The following FAM9A variants were observed in gnomAD, a reference collection of about 807,000 sequenced individuals.
FAM9A encodes family with sequence similarity 9 member A, also known as protein FAM9A.
FAM9A carries 49 observed loss-of-function variants against 25.0 expected under a neutral mutation model. That is an observed-to-expected ratio of 1.96 (90% CI 1.56 to 2.48). FAM9A has a LOEUF of 2.48. Among genes scored for constraint, FAM9A ranks in the 30% most tolerant of loss-of-function variants. The pLI, the probability that FAM9A is intolerant of heterozygous loss-of-function variation, is 0.00. For missense variants in FAM9A, 266 were observed against 249.3 expected, an observed-to-expected ratio of 1.07 and a Z score of -0.45; for synonymous variants, 80 against 85.1, an observed-to-expected ratio of 0.94 and a Z score of 0.33.
chrX:8,798,582 C>A, intron 3 of FAM9A, 103 bp from the exon 4 acceptor site: 2 of 1,132,975 alleles, frequency 1.8e-6, no homozygotes, highest in Admixed American at 5.5e-5. Context: ...GGCTCTCTAC[C>A]AATTAAAGCT....
At chrX:8,794,924 G>A (rs759093817) in intron 7 of FAM9A, among the ~76,000 whole-genome samples, 154 bp downstream of exon 7, 6 of 111,681 alleles carry the variant, frequency 5.4e-5, no homozygotes, top group Non-Finnish European at 7.5e-5. Context: ...CTAATGCTGC[G>A]TGGCAATTAT....
At chrX:8,796,214 C>T (rs1449143230) in intron 6 of FAM9A, 54 bp downstream of exon 6, 37 of 968,010 alleles carry the variant, frequency 3.8e-5, no homozygotes, top group Non-Finnish European at 5.1e-5. Flanking sequence ...TTTGCACCAA[C>T]AAATACAAAG....
chrX:8,800,356 G>A (rs1319232741), intron 1 of FAM9A, 147 bp from the exon 2 acceptor site: 4 of 771,028 alleles, frequency 5.2e-6, no homozygotes, highest in Middle Eastern at 4.6e-4. Flanking sequence ...AGATGCCAGT[G>A]TCCCCTCCTA....
At position 8,796,355 on chromosome X, in the gene FAM9A, T is replaced by C; in HGVS notation, c.401A>G (p.Lys134Arg). 3.3e-6 allele frequency: 4 copies of C among 1,201,076 alleles called. 1 individual carries two copies. The Middle Eastern group carries it at 9.7e-4, about 291-fold the overall frequency. The change falls in exon 6 of 10, where the codon AAA (lysine) becomes AGA (arginine). Residue 134 changes from lysine (K) to arginine (R), a missense_variant. Transcript: ENST00000381003. ...TTTATCTATTTTTATCATTTCTCTT[T>C]TTGCAGCAAGGCCCTTTTTAATGTC... ...AADIKKGLAA[K>R]REMIKIDKAA...
intron 7 of FAM9A, 134 bp downstream of exon 7, chrX:8,794,944 G>C: frequency 1.0e-6 from 1 of 961,256 alleles, no homozygotes; most frequent in Non-Finnish European, 1.4e-6. Context: ...TATTCCCCTA[G>C]TACATGAGTC....
intron 2 of FAM9A, 64 bp downstream of exon 2, chrX:8,800,017 G>A: frequency 8.8e-7 from 1 of 1,133,235 alleles, no homozygotes; most frequent in African/African-American, 1.8e-5. Flanking sequence ...AGGGGCCAGG[G>A]GTCTCGGGCT....
rs200757954 is a variant in FAM9A, at chrX:8,798,991, C to G, written c.195G>C (p.Arg65Ser). ...CTGTGTGCTTCTTCGCCGGGGCGGC[C>G]CTAACTTGAGCTTCCAACTGAGCTT... is the stretch of plus-strand genomic sequence containing the variant. ...AAKAQLEAQV[R>S]AAPAKKHTGK... The change falls in exon 3 of 10, where the codon AGG becomes AGC. Residue 65 changes from arginine (R) to serine (S), a missense_variant. Arg to Ser is a moderately radical substitution (Grantham distance 110). Coordinates refer to ENST00000381003, the MANE Select transcript of FAM9A (RefSeq NM_174951.3). 1 of 1,212,642 alleles carries G rather than the reference C, an allele frequency of 8.2e-7. No homozygotes were observed. The highest frequency in any genetic ancestry group is 1.1e-6 in the Non-Finnish European group (1 of 895,693).
intron 2 of FAM9A, among the ~76,000 whole-genome samples, chrX:8,799,705 TC>T (rs1485825504): frequency 4.2e-5 from 2 of 47,889 alleles, no homozygotes; most frequent in South Asian, 4.1e-3. Flanking sequence ...TATCTGCCAC[TC>T]CCCCGACCCT....
At position 8,795,281 on chromosome X, in the gene FAM9A, C is replaced by A; in HGVS notation, c.628G>T (p.Ala210Ser). The A allele has an allele frequency of 8.4e-7, 1 of 1,195,789 alleles. No homozygotes were observed. Among genetic ancestry groups the A allele is most frequent in the Non-Finnish European group, 1.1e-6 (1 of 887,756 alleles). Residue 210 changes from alanine to serine, a missense_variant, in exon 7 of 10, where the codon GCA becomes TCA. Transcript: ENST00000381003. ...ACTATTACTTCTGCTGCTGCTGCTGCGGCTTCTGCTGCTGCTGCGGCTTCT... is the reference window on the plus strand; with the variant it reads ...ACTATTACTTCTGCTGCTGCTGCTGAGGCTTCTGCTGCTGCTGCGGCTTCT... ...AAEAAAAAEA[A>S]AAAAEVIVVE...
At chrX:8,796,469 T>C (rs1933535401) in intron 5 of FAM9A, 87 bp from the exon 6 acceptor site, 3 of 561,934 alleles carry the variant, frequency 5.3e-6, no homozygotes, top group Non-Finnish European at 5.8e-6. Flanking sequence ...ATATGATGGT[T>C]CAGCAATATC....
intron 2 of FAM9A, among the ~76,000 whole-genome samples, chrX:8,799,347 C>A (rs1168011348): frequency 9.1e-6 from 1 of 110,483 alleles, no homozygotes; most frequent in Non-Finnish European, 1.9e-5. Flanking sequence ...CTTGCGGTGT[C>A]CCTGGGACAG....
At chrX:8,791,742 C>T (rs750076957) in intron 8 of FAM9A, among the ~76,000 whole-genome samples, 45 of 111,640 alleles carry the variant, frequency 4.0e-4, no homozygotes, top group African/African-American at 1.2e-3. Flanking sequence ...CAATAGTCTA[C>T]GGAAAGTGGT....
At position 8,798,133 on chromosome X, in the gene FAM9A, T is replaced by C. The variant is rs1364577034; in HGVS notation, c.373+17A>G. The C allele has an allele frequency of 2.5e-6, 3 of 1,196,308 alleles. No homozygotes were observed. Among genetic ancestry groups the C allele is most frequent in the Non-Finnish European group, 3.4e-6 (3 of 886,394 alleles). ...GAAAATAATTTTCAAAGACTACGAA[T>C]AGCTCCTAAAACATACCTGCAATAT... is the stretch of plus-strand genomic sequence containing the variant. On this transcript the variant is annotated intron_variant, in intron 5 of 9. Transcript: ENST00000381003.
At position 8,791,326 on chromosome X, in the gene FAM9A, A is replaced by G. The variant is rs1338434476; in HGVS notation, c.984T>C (p.Ser328=). 1 of 1,206,149 alleles carries G rather than the reference A, an allele frequency of 8.3e-7. No homozygotes were observed. The highest frequency in any genetic ancestry group is 1.1e-6 in the Non-Finnish European group (1 of 892,490). The change falls in exon 9 of 10, where the codon AGT becomes AGC. Residue 328 remains serine (S), a synonymous_variant. Transcript: ENST00000381003. ...NYCIISSSEE[S]ELDN ...AAAAACACGGCTAGTTATCAAGTTC[A>G]CTTTCTTCACTGGAAGAAATGATGC...
At chrX:8,797,959 C>T (rs1290951541) in intron 5 of FAM9A, among the ~76,000 whole-genome samples, 191 bp downstream of exon 5, 1 of 111,694 alleles carries the variant, frequency 9.0e-6, no homozygotes, top group Non-Finnish European at 1.9e-5. Context: ...TCTCACATTC[C>T]ACATCAACAA....
chrX:8,793,361 C>T (rs138848781), intron 8 of FAM9A, among the ~76,000 whole-genome samples: 80 of 112,224 alleles, frequency 7.1e-4, no homozygotes, highest in Middle Eastern at 4.6e-3. Context: ...AAAAAATGTG[C>T]AGCCTCCGGC....
chrX:8,795,348 T>C lies in FAM9A; in HGVS notation c.561A>G (p.Lys187=). 1 of 1,209,197 alleles carries C rather than the reference T, an allele frequency of 8.3e-7. No individual in the cohort carries two copies. Among genetic ancestry groups the C allele is most frequent in the Admixed American group, 2.2e-5 (1 of 45,893 alleles). The change falls in exon 7 of 10, where the codon AAA becomes AAG. Residue 187 remains lysine, a synonymous_variant. Transcript: ENST00000381003. ...VLKEYIAEKQ[K]DDEAEEAEAA... Reference sequence around the variant, plus strand: ...CTTCTGCTTCTTCTGCTTCATCATCTTTCTGCTTCTCTGCGATGTATTCTT... The same window carrying C: ...CTTCTGCTTCTTCTGCTTCATCATCCTTCTGCTTCTCTGCGATGTATTCTT...
intron 3 of FAM9A, 70 bp downstream of exon 3, chrX:8,798,896 C>T: frequency 1.7e-6 from 2 of 1,197,814 alleles, no homozygotes; most frequent in South Asian, 1.8e-5. Flanking sequence ...ATGTGCCTCC[C>T]GCGCAAAGAG....
chrX:8,793,438 C>T (rs1778109078), intron 8 of FAM9A, among the ~76,000 whole-genome samples: 1 of 111,808 alleles, frequency 8.9e-6, no homozygotes, highest in Admixed American at 9.5e-5. Flanking sequence ...TCCAATTTAC[C>T]TTTTCCTGTT....
Sources: gnomAD v4.1 joint callset for allele counts (sites outside exome capture counted in the v4.1 genomes callset) on GRCh38, gnomAD v4.1.1 for gene constraint, MANE v1.5 for transcripts, NCBI Gene and HGNC (gene_info 2026-07-23, HGNC 2026-07-21) for gene names.